RHOBTB2: variants seen among roughly 807,000 people sequenced by gnomAD.
The protein encoded by RHOBTB2 is rho-related BTB domain-containing protein 2.
Under a neutral mutation model 66.5 loss-of-function variants are expected in RHOBTB2, and 39 were observed. That is an observed-to-expected ratio of 0.59 (90% CI 0.45 to 0.77). The LOEUF (loss-of-function observed/expected upper bound fraction) is 0.77, where lower values mean the gene tolerates loss of function less well. Ranked by LOEUF, RHOBTB2 falls within the 30% of genes least tolerant of loss-of-function variation. RHOBTB2 has a pLI of 0.00. For synonymous variants in RHOBTB2, 390 were observed against 395.0 expected, an observed-to-expected ratio of 0.99 and a Z score of 0.15; for missense variants, 755 against 999.1, an observed-to-expected ratio of 0.76 and a Z score of 3.29.
At position 23,006,617 on chromosome 8, in the gene RHOBTB2, TG is replaced by T; in HGVS notation, c.483-108del. On this transcript the variant is annotated intron_variant, in intron 4 of 9. Coordinates refer to ENST00000251822, the MANE Select transcript of RHOBTB2 (RefSeq NM_015178.3). The surrounding 1 kb of genome is among the most constrained non-coding windows in gnomAD (Gnocchi z 6.1). Reference sequence around the variant, plus strand: ...TTGGCCAGACAGAGCAGGGCAGGAGTGGGTGGGGATTGGCACCCAGATCCTG... The same window carrying T: ...TTGGCCAGACAGAGCAGGGCAGGAGTGGTGGGGATTGGCACCCAGATCCTG... 1 of 1,018,618 alleles carries T rather than the reference TG, an allele frequency of 9.8e-7. No homozygotes were observed. Among genetic ancestry groups the T allele is most frequent in the Non-Finnish European group, 1.5e-6 (1 of 677,868 alleles). 63.1% of individuals were successfully genotyped at this position (1,018,618 alleles called of 1,614,324 possible). A position where few individuals can be genotyped will look rare whatever the true frequency, so the allele number is the denominator to read the frequency against.
At chr8:23,015,775 G>A in intron 9 of RHOBTB2, 32 bp downstream of exon 9, 1 of 1,444,100 alleles carries the variant, frequency 6.9e-7, no homozygotes, top group Non-Finnish European at 9.7e-7. Flanking sequence ...GGCAGTACCT[G>A]CTGCCCTCCC....
chr8:23,018,396 A>G lies in RHOBTB2; in HGVS notation c.*927A>G, dbSNP rs2889. ...ACTGAAACCGAAACGAAAAATCAACAAACACTCTGTCCTCTATCCCTCCAA... is the reference window on the plus strand; with the variant it reads ...ACTGAAACCGAAACGAAAAATCAACGAACACTCTGTCCTCTATCCCTCCAA... On this transcript the variant is annotated 3_prime_UTR_variant, in exon 10 of 10. Transcript: ENST00000251822. The G allele has an allele frequency of 0.29, 43,639 of 150,342 alleles. 6,780 individuals are homozygous for G. Among genetic ancestry groups the G allele is most frequent in the East Asian group, 0.43 (2,194 of 5,158 alleles). The allele number at this position is 150,342 out of a possible 1,614,324, so 9.3% of individuals were successfully genotyped here.
At chr8:22,961,075 G>A in the RHOBTB2 span, among the ~76,000 whole-genome samples, 140,948 of 152,194 alleles carry the variant, frequency 0.93, 65,339 homozygotes, top group East Asian at 0.97. Flanking sequence ...TTTTAAATTA[G>A]TTTTTTGTAG....
chr8:22,958,793 C>A, the RHOBTB2 span, among the ~76,000 whole-genome samples: 120,588 of 130,966 alleles, frequency 0.92, 55,575 homozygotes, highest in East Asian at 0.97. Context: ...CAAGAGTGAG[C>A]CCCTCTCTGA....
chr8:22,991,179 C>T (rs914924105), intron 1 of RHOBTB2, among the ~76,000 whole-genome samples: 1 of 152,130 alleles, frequency 6.6e-6, no homozygotes, highest in African/African-American at 2.4e-5. Flanking sequence ...CAAAGCAATG[C>T]AGCTGCCCTG....
chr8:22,953,005 ACTTGGGGT>A, the RHOBTB2 span, among the ~76,000 whole-genome samples: 14 of 152,220 alleles, frequency 9.2e-5, no homozygotes, highest in African/African-American at 3.4e-4. Context: ...ATGGCCTTTG[ACTTGGGGT>A]CTTATACATT....
At chr8:22,979,607 C>T in the RHOBTB2 span, among the ~76,000 whole-genome samples, 13 of 152,012 alleles carry the variant, frequency 8.6e-5, no homozygotes, top group African/African-American at 3.1e-4. Context: ...GTGTTTATGA[C>T]GTCCTATACA....
chr8:22,983,613 T>G (rs1810247058), upstream of RHOBTB2, among the ~76,000 whole-genome samples: 1 of 152,242 alleles, frequency 6.6e-6, no homozygotes, highest in African/African-American at 2.4e-5. Flanking sequence ...ACCTAGGTTT[T>G]ACTTTTCTAC....
upstream of RHOBTB2, among the ~76,000 whole-genome samples, chr8:22,986,315 G>A (rs542951309): frequency 7.4e-5 from 9 of 121,604 alleles, no homozygotes; most frequent in East Asian, 5.0e-4. Flanking sequence ...CACTCTTTTC[G>A]CCCAGGTGTG....
the RHOBTB2 span, among the ~76,000 whole-genome samples, chr8:22,965,950 C>T: frequency 2.6e-5 from 4 of 152,266 alleles, no homozygotes; most frequent in East Asian, 5.8e-4. Context: ...AACTTCTGCA[C>T]ATCAAAGAAC....
chr8:23,009,603 C>A (rs1811076759), intron 6 of RHOBTB2, among the ~76,000 whole-genome samples: 4 of 152,202 alleles, frequency 2.6e-5, no homozygotes, highest in Admixed American at 2.6e-4. Flanking sequence ...CTCTCAGCGC[C>A]AGTCTCTTGG....
At chr8:23,009,834 G>A (rs556751271) in intron 6 of RHOBTB2, among the ~76,000 whole-genome samples, 2 of 152,274 alleles carry the variant, frequency 1.3e-5, no homozygotes, top group South Asian at 4.2e-4. Context: ...GGGCCTGCCA[G>A]CCCCGGGCAC....
At chr8:22,985,998 G>A (rs1435510132), upstream of RHOBTB2, among the ~76,000 whole-genome samples, 1 of 152,192 alleles carries the variant, frequency 6.6e-6, no homozygotes, top group African/African-American at 2.4e-5. Context: ...GAAGCTGGAA[G>A]GGGGAAGCAG....
rs890306394 is a variant in RHOBTB2 at position 23,017,353 on chromosome 8, T to C, written c.2068T>C (p.Tyr690His). 2 of 1,614,172 alleles carry C rather than the reference T, an allele frequency of 1.2e-6. No individual in the cohort carries two copies. The highest frequency in any genetic ancestry group is 1.7e-6 in the Non-Finnish European group (2 of 1,180,020). ...ACGGAAGGAGCGTGAGAAGGAGGACTACCTCCACCTCAAGCGGCAGCCCAA... is the reference window on the plus strand; with the variant it reads ...ACGGAAGGAGCGTGAGAAGGAGGACCACCTCCACCTCAAGCGGCAGCCCAA... ...RARKEREKED[Y>H]LHLKRQPKRR... is the part of the protein sequence containing the mutation. Residue 690 changes from tyrosine (Y) to histidine (H), a missense_variant, in exon 10 of 10, where the codon TAC becomes CAC. Around this residue, in one of 7 missense-constraint regions of RHOBTB2, gnomAD observed 353 missense variants for 458.2 expected, o/e 0.77. Coordinates refer to ENST00000251822, the MANE Select transcript of RHOBTB2 (RefSeq NM_015178.3). This position sits in a 1 kb window ranked among gnomAD's most constrained non-coding sequence, Gnocchi z 5.3.
At chr8:22,992,308 G>C (rs1810445316) in intron 2 of RHOBTB2, 1 of 152,158 alleles carries the variant, frequency 6.6e-6, no homozygotes, top group East Asian at 1.9e-4. Context: ...TTTGTTAACA[G>C]TTCAGGCTAT....
At chr8:22,986,743 T>C (rs145626303), upstream of RHOBTB2, among the ~76,000 whole-genome samples, 7 of 152,282 alleles carry the variant, frequency 4.6e-5, no homozygotes, top group East Asian at 9.6e-4. Context: ...CTATCAAACC[T>C]ATAGGACTCA....
chr8:22,983,850 T>G (rs1226694809), upstream of RHOBTB2, among the ~76,000 whole-genome samples: 1 of 152,142 alleles, frequency 6.6e-6, no homozygotes, highest in East Asian at 1.9e-4. Flanking sequence ...TCCTCCTGCC[T>G]CAGCCTCCCG....
intron 5 of RHOBTB2, 88 bp downstream of exon 5, chr8:23,007,834 G>A: frequency 6.5e-7 from 1 of 1,539,790 alleles, no homozygotes; most frequent in Non-Finnish European, 8.9e-7. Flanking sequence ...TCCTGGAGCT[G>A]CGGCTGCCAT....
rs1469316160 is a variant in RHOBTB2, at chr8:23,005,943, T to C, written c.297-17T>C. 38 of 1,603,374 alleles carry C rather than the reference T, an allele frequency of 2.4e-5. No homozygotes were observed. Among genetic ancestry groups the C allele is most frequent in the Non-Finnish European group, 3.2e-5 (38 of 1,171,496 alleles). ...CCACTTGTTTCTCTGCCCGTAACCTTACTTTCCCACCCGCAGATCTGATGT... is the reference window on the plus strand; with the variant it reads ...CCACTTGTTTCTCTGCCCGTAACCTCACTTTCCCACCCGCAGATCTGATGT... On this transcript the variant is annotated splice_polypyrimidine_tract_variant and intron_variant, in intron 3 of 9. Transcript: ENST00000251822.
Sources: gnomAD v4.1 joint callset for allele counts (sites outside exome capture counted in the v4.1 genomes callset) on GRCh38, gnomAD v4.1.1 for gene constraint, gnomAD v4.1.1 regional missense constraint, Gnocchi (gnomAD v3.1) non-coding constraint, MANE v1.5 for transcripts, NCBI Gene and HGNC (gene_info 2026-07-23, HGNC 2026-07-21) for gene names.